Variants in STON2 observed in about 807,000 individuals in gnomAD.
STON2 encodes the protein stonin 2, also known as stonin-2.
In STON2, 29 loss-of-function variants were observed where a neutral mutation model predicts 65.7. That is an observed-to-expected ratio of 0.44 (90% CI 0.33 to 0.60). The LOEUF (loss-of-function observed/expected upper bound fraction) is 0.60. Ranked by LOEUF, STON2 falls within the 20% of genes least tolerant of loss-of-function variation. The probability of loss-of-function intolerance (pLI) is 0.03; values close to 1 mark genes in which losing one functional copy is unlikely to be tolerated. For synonymous variants in STON2, 404 were observed against 414.2 expected, an observed-to-expected ratio of 0.98 and a Z score of 0.30; for missense variants, 1,054 against 1,118.1, an observed-to-expected ratio of 0.94 and a Z score of 0.82.
At chr14:81,346,923 C>T (rs1480662576) in intron 4 of STON2, among the ~76,000 whole-genome samples, 1 of 151,792 alleles carries the variant, frequency 6.6e-6, no homozygotes, top group African/African-American at 2.4e-5. Flanking sequence ...AAAAGCAGGG[C>T]TAAGAGGGAA....
intron 1 of STON2, among the ~76,000 whole-genome samples, chr14:81,435,845 G>A (rs966950963): frequency 2.0e-5 from 3 of 152,202 alleles, no homozygotes; most frequent in Admixed American, 6.5e-5. Context: ...CCAGCGGGCA[G>A]AGCGCCTGAG....
At chr14:81,377,247 T>C (rs139873182) in intron 3 of STON2, among the ~76,000 whole-genome samples, 2,032 of 152,348 alleles carry the variant, frequency 0.013, 52 homozygotes, top group African/African-American at 0.046. Flanking sequence ...AAGAATGCAA[T>C]ATAAATGGAA....
chr14:81,377,386 A>C (rs552878035), intron 3 of STON2, among the ~76,000 whole-genome samples: 1 of 151,038 alleles, frequency 6.6e-6, no homozygotes, highest in Non-Finnish European at 1.5e-5. Context: ...CATGATATAC[A>C]TATATCAGTT....
chr14:81,295,238 T>C (rs1242955431), intron 5 of STON2, among the ~76,000 whole-genome samples: 1 of 152,156 alleles, frequency 6.6e-6, no homozygotes, highest in Non-Finnish European at 1.5e-5. Flanking sequence ...GGCAGGAGAA[T>C]GGCTTGAACC....
upstream of STON2, among the ~76,000 whole-genome samples, chr14:81,401,060 T>C (rs1900588892): frequency 6.6e-6 from 1 of 152,232 alleles, no homozygotes; most frequent in Non-Finnish European, 1.5e-5. Flanking sequence ...TATTGTTAAA[T>C]GACTCGCCCA....
At chr14:81,395,856 G>A (rs1323629355) in intron 3 of STON2, 38 bp downstream of exon 3, 3 of 1,607,344 alleles carry the variant, frequency 1.9e-6, no homozygotes, top group African/African-American at 2.7e-5. Context: ...CATCCCTGCT[G>A]ACCACAAACC....
intron 5 of STON2, among the ~76,000 whole-genome samples, chr14:81,279,442 G>A (rs550405970): frequency 2.3e-4 from 35 of 152,168 alleles, no homozygotes; most frequent in Non-Finnish European, 4.4e-4. Flanking sequence ...TGTAATCCCA[G>A]CACTTTGGGA....
intron 3 of STON2, among the ~76,000 whole-genome samples, chr14:81,394,057 G>A (rs1319619517): frequency 1.3e-5 from 2 of 152,126 alleles, no homozygotes; most frequent in African/African-American, 4.8e-5. Context: ...CAGGCATGGT[G>A]ATGGGTGCTT....
intron 7 of STON2, 40 bp from the exon 8 acceptor site, chr14:81,268,537 G>T (rs867152062): frequency 1.6e-6 from 2 of 1,286,592 alleles, no homozygotes; most frequent in South Asian, 2.5e-5. Flanking sequence ...TCAAAAAGAA[G>T]AGAAAAAGCA....
intron 5 of STON2, among the ~76,000 whole-genome samples, chr14:81,298,786 G>C (rs1895863425): frequency 1.3e-5 from 2 of 152,166 alleles, no homozygotes; most frequent in African/African-American, 2.4e-5. Flanking sequence ...TGCTCTCAGA[G>C]ATTTAAGAAA....
intron 3 of STON2, among the ~76,000 whole-genome samples, chr14:81,372,639 A>G (rs907142248): frequency 2.6e-5 from 4 of 152,128 alleles, no homozygotes; most frequent in Non-Finnish European, 5.9e-5. Context: ...AACCTAGATA[A>G]GACAGGAAGA....
intron 2 of STON2, among the ~76,000 whole-genome samples, chr14:81,410,844 C>T (rs1291651850): frequency 6.6e-6 from 1 of 152,204 alleles, no homozygotes; most frequent in Non-Finnish European, 1.5e-5. Flanking sequence ...GGAGTCTAGG[C>T]AAAGCCTTCT....
At chr14:81,356,434 A>G (rs2140328288) in intron 4 of STON2, among the ~76,000 whole-genome samples, 1 of 152,250 alleles carries the variant, frequency 6.6e-6, no homozygotes, top group South Asian at 2.1e-4. Flanking sequence ...GGATTTTTGC[A>G]TCAATGTTCA....
chr14:81,267,202 ATTG>A lies in STON2; in HGVS notation c.*1209_*1211del. The A allele has an allele frequency of 1.0e-6, 1 of 985,424 alleles. No homozygotes were observed. The highest frequency in any genetic ancestry group is 1.2e-6 in the Non-Finnish European group (1 of 829,918). 61.0% of individuals were successfully genotyped at this position (985,424 alleles called of 1,614,324 possible). A position where few individuals can be genotyped will look rare whatever the true frequency, so the allele number is the denominator to read the frequency against. ...GAACGGATGAAGGAAAAGAAGATTA[ATTG>A]TCCCAGAAACAGATGAAGAAAAAGA... On this transcript the variant is annotated 3_prime_UTR_variant, in exon 8 of 8. Coordinates refer to ENST00000614646, the MANE Select transcript of STON2 (RefSeq NM_001394390.1).
chr14:81,361,081 T>C (rs111269535), intron 4 of STON2, among the ~76,000 whole-genome samples: 36 of 152,236 alleles, frequency 2.4e-4, no homozygotes, highest in African/African-American at 8.2e-4. Flanking sequence ...AAGCAATCTA[T>C]AGAATCAATG....
rs985414190 is a variant in STON2, at chr14:81,371,099, T to C, written c.460A>G (p.Thr154Ala). 1.2e-6 allele frequency: 2 copies of C among 1,614,062 alleles called. No homozygotes were observed. The highest frequency in any genetic ancestry group is 1.7e-6 in the Non-Finnish European group (2 of 1,179,998). Residue 154 changes from threonine to alanine, a missense_variant, in exon 4 of 8, where the codon ACC (threonine) becomes GCC (alanine). By Grantham distance (58) the Thr-to-Ala change is moderately conservative. Coordinates refer to ENST00000614646, the MANE Select transcript of STON2 (RefSeq NM_001394390.1). ...CPLTSESSWT[T>A]HSEDTSSPSF... ...GGACTGCTGGTGTCTTCAGAATGGG[T>C]GGTCCAGCTGCTCTCAGAAGTCAGA...
intron 5 of STON2, among the ~76,000 whole-genome samples, chr14:81,299,884 A>ATTT (rs34221546): frequency 3.6e-4 from 54 of 149,262 alleles, no homozygotes; most frequent in African/African-American, 1.1e-3. Context: ...TGGAAAAAAA[A>ATTT]TTTTTTTTTT....
intron 4 of STON2, among the ~76,000 whole-genome samples, chr14:81,332,347 A>C (rs557002563): frequency 6.6e-6 from 1 of 152,344 alleles, no homozygotes; most frequent in Non-Finnish European, 1.5e-5. Context: ...TTATCACATA[A>C]ATGACACACA....
chr14:81,338,832 G>A (rs1387174963), intron 4 of STON2, among the ~76,000 whole-genome samples: 2 of 152,196 alleles, frequency 1.3e-5, no homozygotes, highest in Admixed American at 6.5e-5. Flanking sequence ...GAGTAAGAGC[G>A]AGAGAAACAC....
Sources: allele counts gnomAD v4.1 joint callset (sites outside exome capture counted in the v4.1 genomes callset), GRCh38; gene constraint gnomAD v4.1.1; transcripts MANE v1.5; gene names NCBI Gene and HGNC (gene_info 2026-07-23, HGNC 2026-07-21).